Variants in ARHGAP10 observed in about 807,000 individuals in gnomAD.
The protein encoded by ARHGAP10 is Rho GTPase activating protein 10.
ARHGAP10 carries 87 observed loss-of-function variants against 108.6 expected under a neutral mutation model. That is an observed-to-expected ratio of 0.80 (90% confidence interval 0.67 to 0.96). ARHGAP10 has a LOEUF of 0.96. Ranked by LOEUF, ARHGAP10 falls within the 40% of genes least tolerant of loss-of-function variation. ARHGAP10 has a pLI of 0.00. For synonymous variants in ARHGAP10, 347 were observed against 341.1 expected, an observed-to-expected ratio of 1.02 and a Z score of -0.19; for missense variants, 939 against 954.5, an observed-to-expected ratio of 0.98 and a Z score of 0.21.
intron 10 of ARHGAP10, among the ~76,000 whole-genome samples, chr4:147,906,234 C>T (rs1736484710): frequency 1.3e-5 from 2 of 152,138 alleles, no homozygotes; most frequent in African/African-American, 4.8e-5. Context: ...ATTTGTACAT[C>T]CATGTTCATA....
chr4:147,924,383 A>G (rs770328727), intron 13 of ARHGAP10, among the ~76,000 whole-genome samples: 7 of 151,714 alleles, frequency 4.6e-5, no homozygotes, highest in Non-Finnish European at 7.4e-5. Flanking sequence ...TTTGTTACCT[A>G]TGGTTTTATA....
At chr4:147,872,866 C>T (rs1379191800) in intron 7 of ARHGAP10, among the ~76,000 whole-genome samples, 1 of 152,152 alleles carries the variant, frequency 6.6e-6, no homozygotes, top group Non-Finnish European at 1.5e-5. Flanking sequence ...TAAGTAGATC[C>T]ACAAAGTTCA....
At chr4:147,735,245 A>G (rs1335593246) in intron 1 of ARHGAP10, among the ~76,000 whole-genome samples, 1 of 152,232 alleles carries the variant, frequency 6.6e-6, no homozygotes, top group Non-Finnish European at 1.5e-5. Flanking sequence ...ACTTCAATCT[A>G]AGGAACATTT....
At chr4:147,819,379 C>G (rs1270391993) in intron 1 of ARHGAP10, among the ~76,000 whole-genome samples, 1 of 152,038 alleles carries the variant, frequency 6.6e-6, no homozygotes, top group Non-Finnish European at 1.5e-5. Context: ...CACATATAAA[C>G]AAGATCCTGT....
At chr4:147,993,545 G>A (rs1247818928) in intron 18 of ARHGAP10, among the ~76,000 whole-genome samples, 1 of 152,164 alleles carries the variant, frequency 6.6e-6, no homozygotes, top group Non-Finnish European at 1.5e-5. Context: ...CTTTCTAGAA[G>A]TCCAATATTT....
intron 5 of ARHGAP10, chr4:147,860,878 C>T (rs1228385442): frequency 6.6e-6 from 1 of 152,214 alleles, no homozygotes; most frequent in Non-Finnish European, 1.5e-5. Context: ...TAGTGATTGC[C>T]TTTTAGATTT....
At chr4:147,860,278 T>A (rs974915364) in intron 5 of ARHGAP10, among the ~76,000 whole-genome samples, 1 of 152,042 alleles carries the variant, frequency 6.6e-6, no homozygotes, top group African/African-American at 2.4e-5. Flanking sequence ...CCGTCTCTAC[T>A]AAAAATACAA....
chr4:148,019,868 AT>A (rs1462757161), intron 18 of ARHGAP10, among the ~76,000 whole-genome samples: 1 of 152,076 alleles, frequency 6.6e-6, no homozygotes, highest in Admixed American at 6.5e-5. Flanking sequence ...AGCATCTGTG[AT>A]TTGCTACCTG....
chr4:147,838,892 T>G (rs528258628), intron 3 of ARHGAP10, among the ~76,000 whole-genome samples: 1 of 152,326 alleles, frequency 6.6e-6, no homozygotes, highest in African/African-American at 2.4e-5. Context: ...TGTAACTTAG[T>G]CCTGTTTGTA....
chr4:148,058,274 T>G (rs1729449931), intron 20 of ARHGAP10, among the ~76,000 whole-genome samples: 2 of 152,152 alleles, frequency 1.3e-5, no homozygotes, highest in South Asian at 4.1e-4. Context: ...CAAATGAGAG[T>G]TTAGAATCTT....
chr4:147,738,835 C>T (rs1728536809), intron 1 of ARHGAP10, among the ~76,000 whole-genome samples: 1 of 152,106 alleles, frequency 6.6e-6, no homozygotes, highest in Non-Finnish European at 1.5e-5. Flanking sequence ...AATTGTCAAA[C>T]CCTGGAAAGG....
Position 147,909,746 on chromosome 4 carries a change from T to C in ARHGAP10, c.1131T>C (p.Phe377=), listed in dbSNP as rs749789539. 3.1e-6 allele frequency: 5 copies of C among 1,612,200 alleles called. No homozygotes were observed. In the African/African-American group the frequency reaches 5.3e-5, roughly 17 times the overall value. ...TCTTTTATTAGCTGTCCCATAGTTT[T>C]AATACAGCCATCATCCCAAGACCAG... ...LGGKEALSHS[F]NTAIIPRPEG... is the part of the protein sequence containing the mutation. The change falls in exon 12 of 23, where the codon TTT becomes TTC. Residue 377 remains phenylalanine (F), a synonymous_variant. Transcript: ENST00000336498.
chr4:147,808,933 G>A (rs1731900337), intron 1 of ARHGAP10: 1 of 152,218 alleles, frequency 6.6e-6, no homozygotes, highest in Admixed American at 6.6e-5. Flanking sequence ...CTTGCCAGCT[G>A]CCCTGGTGGC....
At chr4:148,046,861 G>A (rs903639576) in intron 19 of ARHGAP10, 31 bp from the exon 20 acceptor site, 3 of 1,594,310 alleles carry the variant, frequency 1.9e-6, no homozygotes, top group Non-Finnish European at 2.6e-6. Flanking sequence ...CCAGGTATTT[G>A]TTTGATATTC....
At chr4:147,837,034 CTT>C (rs1347320491) in intron 3 of ARHGAP10, among the ~76,000 whole-genome samples, 1 of 152,258 alleles carries the variant, frequency 6.6e-6, no homozygotes, top group African/African-American at 2.4e-5. Flanking sequence ...GATTGTGAAA[CTT>C]TTTCACTTTT....
chr4:147,779,253 G>T (rs997061249), intron 1 of ARHGAP10, among the ~76,000 whole-genome samples: 12 of 152,136 alleles, frequency 7.9e-5, no homozygotes, highest in African/African-American at 2.9e-4. Context: ...CAGAGGTGGA[G>T]GGTAGGACAG....
At position 147,857,633 on chromosome 4, in the gene ARHGAP10, G is replaced by T; in HGVS notation, c.465G>T (p.Lys155Asn). The change falls in exon 5 of 23, where the codon AAG becomes AAT. Residue 155 changes from lysine to asparagine, a missense_variant. Coordinates refer to ENST00000336498, the MANE Select transcript of ARHGAP10 (RefSeq NM_024605.4). ...AACATTTGAATTTATCAGCAAAAAA[G>T]AAAGACTCACATTTACAAGAGGTAT... ...IDKHLNLSAK[K>N]KDSHLQEADI... is the part of the protein sequence containing the mutation. 1.3e-6 allele frequency: 2 copies of T among 1,490,632 alleles called. No homozygotes were observed. Among genetic ancestry groups the T allele is most frequent in the Non-Finnish European group, 1.8e-6 (2 of 1,121,596 alleles). The allele number at this position is 1,490,632 out of a possible 1,614,324, so 92.3% of individuals were successfully genotyped here. A position where few individuals can be genotyped will look rare whatever the true frequency, so the allele number is the denominator to read the frequency against.
chr4:148,011,288 G>A (rs979592770), intron 18 of ARHGAP10, among the ~76,000 whole-genome samples: 1 of 152,172 alleles, frequency 6.6e-6, no homozygotes. Context: ...ATTCAGGCAG[G>A]GCAGGGCGAG....
At chr4:147,920,531 A>G (rs967117387) in intron 13 of ARHGAP10, among the ~76,000 whole-genome samples, 2 of 152,202 alleles carry the variant, frequency 1.3e-5, no homozygotes, top group African/African-American at 4.8e-5. Flanking sequence ...TATCGTAGCT[A>G]AACCCTAGTT....
Sources: gnomAD v4.1 joint callset for allele counts (sites outside exome capture counted in the v4.1 genomes callset) on GRCh38, gnomAD v4.1.1 for gene constraint, MANE v1.5 for transcripts, NCBI Gene and HGNC (gene_info 2026-07-23, HGNC 2026-07-21) for gene names.